Variants in SSH2 observed in about 807,000 individuals in gnomAD.
The protein encoded by SSH2 is slingshot protein phosphatase 2, also known as protein phosphatase Slingshot homolog 2.
Under a neutral mutation model 135.2 loss-of-function variants are expected in SSH2, and 37 were observed. The observed-to-expected ratio is 0.27, with a 90% confidence interval of 0.21 to 0.36. SSH2 has a LOEUF of 0.36. Ranked by LOEUF, SSH2 falls within the 10% of genes least tolerant of loss-of-function variation. The pLI is 1.00. For synonymous variants in SSH2, 628 were observed against 646.2 expected (o/e 0.97, Z 0.43); for missense variants, 1,408 against 1,765.3 (o/e 0.80, Z 3.63).
chr17:29,658,956 G>A (rs1336491652), intron 11 of SSH2, among the ~76,000 whole-genome samples: 2 of 148,798 alleles, frequency 1.3e-5, no homozygotes, highest in East Asian at 2.0e-4. Flanking sequence ...ATTTTCATTA[G>A]TTTCTGATTT....
chr17:29,909,906 A>T (rs911152337), intron 1 of SSH2, among the ~76,000 whole-genome samples: 2 of 152,184 alleles, frequency 1.3e-5, no homozygotes, highest in African/African-American at 2.4e-5. Flanking sequence ...GAACAAAAGC[A>T]TATTACTATT....
chr17:29,718,538 C>T (rs1315767260), intron 3 of SSH2, among the ~76,000 whole-genome samples: 2 of 151,994 alleles, frequency 1.3e-5, no homozygotes, highest in Non-Finnish European at 2.9e-5. Context: ...ACAGTCCCGT[C>T]CTGGCTAACA....
At position 29,636,291 on chromosome 17, in the gene SSH2, G is replaced by A. The variant is rs1189194156; in HGVS notation, c.1939C>T (p.Leu647=). 2.5e-6 allele frequency: 4 copies of A among 1,614,084 alleles called. No homozygotes were observed. Among genetic ancestry groups the A allele is most frequent in the Non-Finnish European group, 3.4e-6 (4 of 1,180,042 alleles). Residue 647 remains leucine (L), a synonymous_variant, in exon 15 of 16, where the codon CTG becomes TTG. Transcript: ENST00000540801. Reference sequence around the variant, plus strand: ...TCAGGGGACATGGGGGGGTCTTTCAGTGGAGATGTCAATTCTTCCATAGGC... The same window carrying A: ...TCAGGGGACATGGGGGGGTCTTTCAATGGAGATGTCAATTCTTCCATAGGC... ...LLPMEELTSP[L]KDPPMSPDPE...
At chr17:29,923,619 C>CAA (rs1006774135) in intron 1 of SSH2, among the ~76,000 whole-genome samples, 2 of 121,840 alleles carry the variant, frequency 1.6e-5, no homozygotes, top group East Asian at 2.3e-4. Flanking sequence ...GATCCTGCCT[C>CAA]AAAAAAAAAA....
chr17:29,876,588 T>C (rs1394214313), intron 1 of SSH2, among the ~76,000 whole-genome samples: 1 of 151,838 alleles, frequency 6.6e-6, no homozygotes, highest in Non-Finnish European at 1.5e-5. Flanking sequence ...TTAGGTTGCC[T>C]GCGAGTTAAA....
intron 4 of SSH2, among the ~76,000 whole-genome samples, chr17:29,698,198 T>C (rs2038838428): frequency 6.6e-6 from 1 of 151,936 alleles, no homozygotes; most frequent in Non-Finnish European, 1.5e-5. Context: ...GTGAGAGAAA[T>C]AGGGAGTGCC....
intron 6 of SSH2, among the ~76,000 whole-genome samples, chr17:29,680,383 C>G (rs2037921421): frequency 6.6e-6 from 1 of 151,316 alleles, no homozygotes; most frequent in African/African-American, 2.4e-5. Flanking sequence ...CATCTCTACA[C>G]TAAAAATACA....
chr17:29,808,348 C>T (rs979380552), intron 2 of SSH2, among the ~76,000 whole-genome samples: 1 of 152,184 alleles, frequency 6.6e-6, no homozygotes, highest in African/African-American at 2.4e-5. Context: ...AGGCTGGTCT[C>T]GAACTCCTGA....
Position 29,930,021 on chromosome 17 carries a change from C to A in SSH2, c.-21G>T. ...GCCATCTAGGCGCTGCTGGGTTGTT[C>A]CGGGCAGGGCATTCTTGTCCTGAGT... On this transcript the variant is annotated 5_prime_UTR_variant, in exon 1 of 16. The change creates a premature stop within an existing upstream ORF in the 5' untranslated region. Coordinates refer to ENST00000540801, the MANE Select transcript of SSH2 (RefSeq NM_001282129.2). 1 of 1,530,798 alleles carries A rather than the reference C, an allele frequency of 6.5e-7. No homozygotes were observed. Among genetic ancestry groups the A allele is most frequent in the Non-Finnish European group, 8.8e-7 (1 of 1,131,978 alleles). 94.8% of individuals were successfully genotyped at this position (1,530,798 alleles called of 1,614,324 possible). A position where few individuals can be genotyped will look rare whatever the true frequency, so the allele number is the denominator to read the frequency against.
chr17:29,849,408 G>A (rs1022206367), intron 1 of SSH2, among the ~76,000 whole-genome samples: 1 of 151,032 alleles, frequency 6.6e-6, no homozygotes, highest in African/African-American at 2.4e-5. Context: ...GAACCCGGAA[G>A]GCTGAGCTTG....
At chr17:29,820,896 T>C (rs908488155) in intron 2 of SSH2, among the ~76,000 whole-genome samples, 15 of 152,152 alleles carry the variant, frequency 9.9e-5, no homozygotes, top group African/African-American at 3.6e-4. Flanking sequence ...CAGGGGTACT[T>C]GGACTATGCA....
intron 9 of SSH2, among the ~76,000 whole-genome samples, chr17:29,667,899 A>G (rs2037343114): frequency 6.6e-6 from 1 of 152,214 alleles, no homozygotes; most frequent in South Asian, 2.1e-4. Context: ...TGACTCTCTT[A>G]AAAATAAAAT....
chr17:29,722,197 C>T (rs902378171), intron 3 of SSH2, among the ~76,000 whole-genome samples: 18 of 151,686 alleles, frequency 1.2e-4, no homozygotes, highest in African/African-American at 4.1e-4. Flanking sequence ...CTGCTTGAAC[C>T]CGGGAGGTGG....
At chr17:29,744,328 C>G (rs1417993111) in intron 3 of SSH2, among the ~76,000 whole-genome samples, 2 of 152,168 alleles carry the variant, frequency 1.3e-5, no homozygotes, top group Non-Finnish European at 2.9e-5. Flanking sequence ...GGGTCCCTCT[C>G]TGGCAGGGCC....
At chr17:29,763,850 G>A (rs934349829) in intron 3 of SSH2, among the ~76,000 whole-genome samples, 7 of 151,894 alleles carry the variant, frequency 4.6e-5, no homozygotes, top group African/African-American at 9.7e-5. Flanking sequence ...CTATGTTAAC[G>A]TCCCTATCCA....
intron 2 of SSH2, among the ~76,000 whole-genome samples, chr17:29,817,210 T>C (rs1012948820): frequency 2.0e-5 from 3 of 152,222 alleles, no homozygotes; most frequent in Non-Finnish European, 2.9e-5. Context: ...CAATATCCAC[T>C]GTTTTTCTTT....
intron 3 of SSH2, among the ~76,000 whole-genome samples, chr17:29,715,332 G>C (rs530923325): frequency 2.0e-5 from 3 of 151,344 alleles, no homozygotes; most frequent in Non-Finnish European, 4.4e-5. Flanking sequence ...TGCAAGCTCC[G>C]CCTTCCAGGT....
intron 14 of SSH2, among the ~76,000 whole-genome samples, chr17:29,638,070 C>T (rs1455570196): frequency 6.6e-6 from 1 of 151,752 alleles, no homozygotes; most frequent in East Asian, 1.9e-4. Context: ...GCCGAGATTG[C>T]ACCAATGCAC....
chr17:29,704,681 C>A (rs546870610), intron 3 of SSH2, among the ~76,000 whole-genome samples: 89 of 133,774 alleles, frequency 6.7e-4, no homozygotes, highest in African/African-American at 2.3e-3. Flanking sequence ...CCAGCTGGGG[C>A]GACAGAGCAA....
Sources: allele counts gnomAD v4.1 joint callset (sites outside exome capture counted in the v4.1 genomes callset), GRCh38; gene constraint gnomAD v4.1.1; transcripts MANE v1.5; gene names NCBI Gene and HGNC (gene_info 2026-07-23, HGNC 2026-07-21).